Variants in MARCHF1 observed in about 807,000 individuals in gnomAD.
MARCHF1 encodes membrane associated ring-CH-type finger 1, also known as E3 ubiquitin-protein ligase MARCHF1.
In MARCHF1, 40 loss-of-function variants were observed where a neutral mutation model predicts 54.2. That is an observed-to-expected ratio of 0.74 (90% CI 0.57 to 0.96). MARCHF1 has a LOEUF of 0.96. MARCHF1 is among the 40% of genes least tolerant of loss of function. The pLI is 0.00. For synonymous variants in MARCHF1, 236 were observed against 236.3 expected (o/e 1.00, Z 0.01); for missense variants, 586 against 656.5 (o/e 0.89, Z 1.17).
At chr4:163,562,714 C>G (rs1205895599) in intron 8 of MARCHF1, among the ~76,000 whole-genome samples, 7 of 152,178 alleles carry the variant, frequency 4.6e-5, no homozygotes, top group Non-Finnish European at 1.0e-4. Flanking sequence ...AGATTTACCA[C>G]TCATCTGGTT....
In MARCHF1 at chr4:163,754,622, C is replaced by T. The variant is rs535313670; in HGVS notation, c.112-53759G>A. Among the ~76,000 whole-genome samples the T allele has an allele frequency of 4.6e-5, 7 of 152,214 alleles. 1 individual carries two copies. The South Asian group carries it at 1.2e-3, about 27-fold the overall frequency. On this transcript the variant is annotated intron_variant, in intron 4 of 9. Coordinates refer to ENST00000514618, the MANE Select transcript of MARCHF1 (RefSeq NM_001394959.1). ...AGAAAGTTAAATCAATCTTTTTTTGCACCATCCATTCTTCCCATCACCTAA... is the reference window on the plus strand; with the variant it reads ...AGAAAGTTAAATCAATCTTTTTTTGTACCATCCATTCTTCCCATCACCTAA...
At chr4:164,085,949 G>A (rs560685340) in intron 2 of MARCHF1, among the ~76,000 whole-genome samples, 8 of 151,568 alleles carry the variant, frequency 5.3e-5, no homozygotes, top group Admixed American at 1.3e-4. Context: ...TTCAGTTATA[G>A]AAATTTTTGT....
At chr4:163,885,627 G>A (rs548088899) in intron 3 of MARCHF1, among the ~76,000 whole-genome samples, 3 of 152,012 alleles carry the variant, frequency 2.0e-5, no homozygotes, top group Non-Finnish European at 4.4e-5. Context: ...ACTGATGATT[G>A]TATAAAGTCA....
At chr4:164,027,673 T>A (rs1753799964) in intron 2 of MARCHF1, among the ~76,000 whole-genome samples, 1 of 151,958 alleles carries the variant, frequency 6.6e-6, no homozygotes, top group South Asian at 2.1e-4. Flanking sequence ...GAAGTACCAT[T>A]CTCAATATCA....
intron 2 of MARCHF1, among the ~76,000 whole-genome samples, chr4:164,044,721 G>A (rs756826408): frequency 2.0e-5 from 3 of 151,996 alleles, no homozygotes; most frequent in Non-Finnish European, 2.9e-5. Flanking sequence ...TATAGTGAGA[G>A]TCTATAGTGT....
intron 3 of MARCHF1, among the ~76,000 whole-genome samples, chr4:163,933,748 A>G (rs749249951): frequency 1.5e-4 from 23 of 152,242 alleles, no homozygotes; most frequent in Admixed American, 8.5e-4. Context: ...TATTAAATTG[A>G]ATGGAAAAGC....
intron 3 of MARCHF1, among the ~76,000 whole-genome samples, chr4:163,890,808 C>A (rs1388339999): frequency 1.3e-5 from 2 of 152,068 alleles, no homozygotes; most frequent in Non-Finnish European, 2.9e-5. Context: ...CGGAACCCGG[C>A]CTCCCCAGTA....
intron 1 of MARCHF1, among the ~76,000 whole-genome samples, chr4:164,260,069 A>G (rs1362033187): frequency 6.6e-6 from 1 of 152,166 alleles, no homozygotes; most frequent in Non-Finnish European, 1.5e-5. Flanking sequence ...AGTTGTAAGA[A>G]GATAATATTC....
chr4:163,797,744 T>C (rs1747959493), intron 4 of MARCHF1, among the ~76,000 whole-genome samples: 1 of 152,244 alleles, frequency 6.6e-6, no homozygotes, highest in East Asian at 1.9e-4. Flanking sequence ...TGTGTTGGTC[T>C]TTTAGAAAAT....
At chr4:163,767,939 T>C (rs1747038799) in intron 4 of MARCHF1, among the ~76,000 whole-genome samples, 1 of 152,220 alleles carries the variant, frequency 6.6e-6, no homozygotes, top group African/African-American at 2.4e-5. Context: ...ATTTATCAAG[T>C]AAGAAATTTA....
intron 1 of MARCHF1, among the ~76,000 whole-genome samples, chr4:164,126,681 G>A (rs894045395): frequency 1.3e-5 from 2 of 152,098 alleles, no homozygotes; most frequent in Non-Finnish European, 2.9e-5. Context: ...AGAAGGCTTC[G>A]GTCTTCTGGA....
chr4:164,315,231 CAAAAA>C (rs58264322), intron 1 of MARCHF1, among the ~76,000 whole-genome samples: 1 of 100,682 alleles, frequency 9.9e-6, no homozygotes, highest in Non-Finnish European at 2.1e-5. Flanking sequence ...GTTAATTTAA[CAAAAA>C]AAAAAAAAAA....
intron 1 of MARCHF1, among the ~76,000 whole-genome samples, chr4:164,238,886 T>A (rs1732644728): frequency 6.6e-6 from 1 of 152,032 alleles, no homozygotes; most frequent in African/African-American, 2.4e-5. Context: ...TATAATTTCT[T>A]ATGAATAGAA....
At chr4:164,178,691 G>A (rs575452913) in intron 1 of MARCHF1, among the ~76,000 whole-genome samples, 2 of 152,084 alleles carry the variant, frequency 1.3e-5, no homozygotes, top group Non-Finnish European at 1.5e-5. Flanking sequence ...ATATTTGGAT[G>A]GGTTCGTGTT....
chr4:163,851,967 G>A (rs902573420), intron 4 of MARCHF1, among the ~76,000 whole-genome samples: 9 of 152,202 alleles, frequency 5.9e-5, no homozygotes, highest in Non-Finnish European at 1.3e-4. Flanking sequence ...TATTTTATAT[G>A]TTAAGAAACT....
intron 1 of MARCHF1, among the ~76,000 whole-genome samples, chr4:164,140,238 AC>A (rs1434252240): frequency 2.1e-5 from 1 of 47,670 alleles, no homozygotes; most frequent in Non-Finnish European, 6.7e-5. Flanking sequence ...ATACACACAC[AC>A]TATATATATA....
At chr4:163,627,226 T>C (rs1472619629) in intron 5 of MARCHF1, among the ~76,000 whole-genome samples, 2 of 152,192 alleles carry the variant, frequency 1.3e-5, no homozygotes, top group Non-Finnish European at 2.9e-5. Context: ...TCTGAGAACA[T>C]CTCTTGCATT....
chr4:163,841,629 A>C (rs923494280), intron 4 of MARCHF1, among the ~76,000 whole-genome samples: 5 of 152,072 alleles, frequency 3.3e-5, no homozygotes, highest in Admixed American at 6.6e-5. Context: ...TTTTATGCCC[A>C]TTGGATAGTT....
chr4:164,268,969 T>C (rs1182357657), intron 1 of MARCHF1, among the ~76,000 whole-genome samples: 1 of 152,188 alleles, frequency 6.6e-6, no homozygotes, highest in Admixed American at 6.5e-5. Flanking sequence ...ATGTCTATTA[T>C]AATGAATTAT....
Sources: gnomAD v4.1 joint callset for allele counts (sites outside exome capture counted in the v4.1 genomes callset) on GRCh38, gnomAD v4.1.1 for gene constraint, MANE v1.5 for transcripts, NCBI Gene and HGNC (gene_info 2026-07-23, HGNC 2026-07-21) for gene names.